The following TRAK1 variants were observed in gnomAD, a reference collection of about 807,000 sequenced individuals.
TRAK1 encodes the protein trafficking kinesin-binding protein 1.
TRAK1 carries 33 observed loss-of-function variants against 92.1 expected under a neutral mutation model. The ratio of observed to expected loss-of-function variants is 0.36; its 90% CI spans 0.27 to 0.48. The LOEUF is 0.48. Ranked by LOEUF, TRAK1 falls within the 20% of genes least tolerant of loss-of-function variation. TRAK1 has a pLI of 0.99. For missense variants in TRAK1, 1,123 were observed against 1,257.9 expected, an observed-to-expected ratio of 0.89 and a Z score of 1.62; for synonymous variants, 521 against 517.3, an observed-to-expected ratio of 1.01 and a Z score of -0.10.
intron 2 of TRAK1, among the ~76,000 whole-genome samples, chr3:42,166,881 T>TAATG (rs762738953): frequency 7.2e-5 from 11 of 152,210 alleles, no homozygotes; most frequent in Non-Finnish European, 1.5e-4. Flanking sequence ...CAGACATGGG[T>TAATG]AATGGCTGTA....
Position 42,223,974 on chromosome 3 carries a change from G to C in TRAK1, c.*237G>C. The C allele has an allele frequency of 1.6e-6, 1 of 640,112 alleles. No individual in the cohort carries two copies. The highest frequency in any genetic ancestry group is 2.8e-6 in the Non-Finnish European group (1 of 354,044). 39.7% of individuals were successfully genotyped at this position (640,112 alleles called of 1,614,324 possible). ...GCTCTTTCTTCCGATCCCACAGGAA[G>C]TGCCCCTGCACTGTCATCACTCTCA... On this transcript the variant is annotated 3_prime_UTR_variant, in exon 16 of 16. Coordinates refer to ENST00000327628, the MANE Select transcript of TRAK1 (RefSeq NM_001042646.3). This position sits in a 1 kb window ranked among gnomAD's most constrained non-coding sequence, Gnocchi z 6.1.
At chr3:42,026,776 C>T (rs1029259450) in intron 1 of TRAK1, among the ~76,000 whole-genome samples, 4 of 152,080 alleles carry the variant, frequency 2.6e-5, no homozygotes, top group African/African-American at 7.2e-5. Flanking sequence ...CTGCCTGCCT[C>T]GGCCTCCCAA....
At chr3:42,026,058 T>G (rs1482138093) in intron 1 of TRAK1, among the ~76,000 whole-genome samples, 1 of 152,136 alleles carries the variant, frequency 6.6e-6, no homozygotes, top group Non-Finnish European at 1.5e-5. Context: ...CTCTGTCTCT[T>G]TCTTGCTTTC....
intron 2 of TRAK1, among the ~76,000 whole-genome samples, chr3:42,159,644 A>G (rs1701015917): frequency 6.6e-6 from 1 of 152,216 alleles, no homozygotes. Context: ...TGAAATGTAG[A>G]TTGATAAAGA....
At chr3:42,013,489 G>A (rs1701386502), upstream of TRAK1, among the ~76,000 whole-genome samples, 1 of 151,854 alleles carries the variant, frequency 6.6e-6, no homozygotes, top group Non-Finnish European at 1.5e-5. The surrounding 1 kb of genome is among the most constrained non-coding windows in gnomAD (Gnocchi z 5.1). Context: ...GAGGAAGGCG[G>A]GGCGCGGCTC....
chr3:42,168,375 G>T (rs554905985), intron 2 of TRAK1, among the ~76,000 whole-genome samples: 1 of 152,120 alleles, frequency 6.6e-6, no homozygotes, highest in Non-Finnish European at 1.5e-5. Flanking sequence ...GGCATGGTTC[G>T]GGGATGCTTG....
chr3:42,217,010 G>A (rs1709775422), intron 14 of TRAK1, among the ~76,000 whole-genome samples: 1 of 152,000 alleles, frequency 6.6e-6, no homozygotes, highest in Non-Finnish European at 1.5e-5. Flanking sequence ...TTGGTGCGTG[G>A]CATGGGCTTG....
Position 42,125,552 on chromosome 3 carries a change from T to G in TRAK1, c.224T>G (p.Ile75Ser). 6.2e-7 allele frequency: 1 copy of G among 1,614,224 alleles called. No homozygotes were observed. Among genetic ancestry groups the G allele is most frequent in the Non-Finnish European group, 8.5e-7 (1 of 1,180,030 alleles). ...DHDDWLHTPL[I>S]SPDANIDLTT... ...GACGACTGGCTCCATACACCTCTCATTTCTCCAGATGCCAACATTGACCTC... is the reference window on the plus strand; with the variant it reads ...GACGACTGGCTCCATACACCTCTCAGTTCTCCAGATGCCAACATTGACCTC... Residue 75 changes from isoleucine (I) to serine (S), a missense_variant, in exon 2 of 16, where the codon ATT becomes AGT. Physicochemically the swap from Ile to Ser is moderately radical, Grantham distance 142. Around this residue, in one of 3 missense-constraint regions of TRAK1, gnomAD observed 686 missense variants for 747.6 expected, o/e 0.92. Coordinates refer to ENST00000327628, the MANE Select transcript of TRAK1 (RefSeq NM_001042646.3).
intron 1 of TRAK1, among the ~76,000 whole-genome samples, chr3:42,043,927 TATAA>T (rs1335595189): frequency 6.6e-6 from 1 of 152,218 alleles, no homozygotes; most frequent in Non-Finnish European, 1.5e-5. Context: ...TAAAATTTAT[TATAA>T]ATAAAACAAA....
chr3:42,211,364 G>A, intron 14 of TRAK1: 1 of 985,250 alleles, frequency 1.0e-6, no homozygotes, highest in Non-Finnish European at 1.2e-6. Context: ...TTTATTTATG[G>A]TTTGATTTTT....
At chr3:42,123,617 G>A (rs761294956) in intron 1 of TRAK1, among the ~76,000 whole-genome samples, 5 of 152,148 alleles carry the variant, frequency 3.3e-5, no homozygotes, top group African/African-American at 7.2e-5. Context: ...TTATCTTACC[G>A]TGTTTAGGAA....
intron 1 of TRAK1, 113 bp from the exon 2 acceptor site, chr3:42,125,307 T>C (rs770365977): frequency 4.4e-6 from 4 of 903,722 alleles, no homozygotes; most frequent in Non-Finnish European, 6.6e-6. Context: ...TCTAGCTTCT[T>C]TGTGCTGTAG....
chr3:42,158,961 A>AAT (rs1700896949), intron 2 of TRAK1, among the ~76,000 whole-genome samples: 2 of 140,172 alleles, frequency 1.4e-5, no homozygotes, highest in South Asian at 2.4e-4. Flanking sequence ...TCTGTCTCAA[A>AAT]AATAATAATA....
intron 1 of TRAK1, among the ~76,000 whole-genome samples, chr3:42,065,878 C>A (rs1020727208): frequency 2.6e-5 from 4 of 152,164 alleles, no homozygotes; most frequent in African/African-American, 9.6e-5. Context: ...GATCCACTCG[C>A]CTCAACCTCC....
intron 14 of TRAK1, chr3:42,211,468 G>T (rs1709018652): frequency 1.9e-5 from 19 of 985,380 alleles, no homozygotes; most frequent in Non-Finnish European, 2.3e-5. Context: ...ACCAGCTGCG[G>T]TACTGTCCCA....
chr3:42,128,072 G>A (rs1218598055), intron 2 of TRAK1, among the ~76,000 whole-genome samples: 4 of 152,148 alleles, frequency 2.6e-5, no homozygotes, highest in Non-Finnish European at 5.9e-5. Context: ...CCAGCTACTT[G>A]GGAGGCTGAG....
intron 1 of TRAK1, among the ~76,000 whole-genome samples, chr3:42,059,012 G>T (rs1703316580): frequency 6.6e-6 from 1 of 152,136 alleles, no homozygotes; most frequent in South Asian, 2.1e-4. Flanking sequence ...AGGTGTGTAT[G>T]CATGCGTGTA....
intron 1 of TRAK1, among the ~76,000 whole-genome samples, chr3:42,115,954 TG>T (rs1342003721): frequency 6.6e-6 from 1 of 152,256 alleles, no homozygotes; most frequent in East Asian, 1.9e-4. Context: ...CTTTTAGATC[TG>T]GGTCTCCTCA....
chr3:42,151,501 G>A, intron 2 of TRAK1: 1 of 361,140 alleles, frequency 2.8e-6, no homozygotes, highest in Non-Finnish European at 5.4e-6. Flanking sequence ...CAAAATACTT[G>A]TCCTTTATCA....
Sources: allele counts gnomAD v4.1 joint callset (sites outside exome capture counted in the v4.1 genomes callset), GRCh38; gene constraint gnomAD v4.1.1; regional missense constraint gnomAD v4.1.1; non-coding constraint Gnocchi (gnomAD v3.1); transcripts MANE v1.5; gene names NCBI Gene and HGNC (gene_info 2026-07-23, HGNC 2026-07-21).